SRBD1: variants seen among roughly 807,000 people sequenced by gnomAD.
The protein encoded by SRBD1 is S1 RNA-binding domain-containing protein 1.
A neutral mutation model predicts 115.3 loss-of-function variants in SRBD1; 88 were observed. The observed-to-expected ratio is 0.76, with a 90% CI of 0.64 to 0.91. The LOEUF (loss-of-function observed/expected upper bound fraction) is 0.91. SRBD1 is among the 40% of genes least tolerant of loss of function. The pLI is 0.00. For missense variants in SRBD1, 1,385 were observed against 1,177.4 expected (o/e 1.18, Z -2.58); for synonymous variants, 509 against 407.7 (o/e 1.25, Z -2.99).
In SRBD1 at chr2:45,573,249, G is replaced by C; in HGVS notation, c.1263C>G (p.Tyr421Ter). 1 of 1,611,208 alleles carries C rather than the reference G, an allele frequency of 6.2e-7. No homozygotes were observed. The highest frequency in any genetic ancestry group is 8.5e-7 in the Non-Finnish European group (1 of 1,178,900). Residue 421 changes from tyrosine (Y) to a stop codon, truncating the protein, a stop_gained, in exon 9 of 21, where the codon TAC (tyrosine) becomes TAG (stop). Coordinates refer to ENST00000263736, the MANE Select transcript of SRBD1 (RefSeq NM_018079.5). LOFTEE classifies it high-confidence loss of function. The stretch of plus-strand genomic sequence containing the variant: ...TTCTTATGTTGCAGGAAAAATGCTG[G>C]TAGAGCAGAAACTTATCAACATCTT... ...NEKDVDKFLL[Y>*]QHFSCNIRNI... is the part of the protein sequence containing the mutation.
intron 14 of SRBD1, among the ~76,000 whole-genome samples, chr2:45,511,046 A>C (rs1201514794): frequency 6.6e-6 from 1 of 152,246 alleles, no homozygotes; most frequent in Non-Finnish European, 1.5e-5. Context: ...CCAACAAACC[A>C]AAGTCAAACG....
chr2:45,401,728 A>G (rs1186371836), intron 19 of SRBD1, among the ~76,000 whole-genome samples: 1 of 152,208 alleles, frequency 6.6e-6, no homozygotes, highest in Non-Finnish European at 1.5e-5. Flanking sequence ...TGTTAGACAT[A>G]TTCAGTAGGC....
In SRBD1 at chr2:45,464,688, C is replaced by T. The variant is rs560092348; in HGVS notation, c.2049+12305G>A. Among the ~76,000 whole-genome samples the T allele has an allele frequency of 2.6e-5, 4 of 152,262 alleles. No homozygotes were observed. The East Asian group carries it at 5.8e-4, about 22-fold the overall frequency. On this transcript the variant is annotated intron_variant, in intron 16 of 20. Transcript: ENST00000263736. ...ATTCACTATCAACTAAACCCAAGGG[C>T]TTGAAATTCACACAGGTATAAAACA...
intron 7 of SRBD1, among the ~76,000 whole-genome samples, chr2:45,579,345 G>A (rs971249475): frequency 4.6e-5 from 7 of 152,114 alleles, no homozygotes; most frequent in Non-Finnish European, 1.0e-4. Context: ...CTTCCTGGAT[G>A]TCAAAACTCT....
At chr2:45,507,187 G>A (rs1223818729) in intron 14 of SRBD1, among the ~76,000 whole-genome samples, 4 of 152,124 alleles carry the variant, frequency 2.6e-5, no homozygotes, top group African/African-American at 9.7e-5. Context: ...GACTTGGTAT[G>A]TATCTCAACT....
chr2:45,555,740 T>C (rs1049225642), intron 10 of SRBD1, among the ~76,000 whole-genome samples: 2 of 152,054 alleles, frequency 1.3e-5, no homozygotes, highest in Non-Finnish European at 2.9e-5. Context: ...GATCTGCCCA[T>C]GTCAGCCTCC....
intron 16 of SRBD1, among the ~76,000 whole-genome samples, chr2:45,446,705 A>C (rs1668834264): frequency 6.6e-6 from 1 of 151,942 alleles, no homozygotes; most frequent in Non-Finnish European, 1.5e-5. Context: ...ATGGAAAAAA[A>C]AAAACCCCAC....
chr2:45,474,863 T>C (rs528395849), intron 16 of SRBD1, among the ~76,000 whole-genome samples: 1 of 152,334 alleles, frequency 6.6e-6, no homozygotes, highest in East Asian at 1.9e-4. Context: ...TGTATTTATA[T>C]AGGTACACAT....
At chr2:45,599,350 T>G (rs1674012728) in intron 4 of SRBD1, 99 bp downstream of exon 4, 2 of 1,479,678 alleles carry the variant, frequency 1.4e-6, no homozygotes, top group Admixed American at 2.3e-5. Flanking sequence ...AAGAGAGAAT[T>G]GAAAACCCCC....
intron 16 of SRBD1, among the ~76,000 whole-genome samples, chr2:45,439,759 T>C (rs1668604013): frequency 6.6e-6 from 1 of 151,526 alleles, no homozygotes; most frequent in Non-Finnish European, 1.5e-5. Context: ...TCACTTAAAA[T>C]CTTTGCATTT....
chr2:45,538,977 T>C (rs377742402), intron 14 of SRBD1, among the ~76,000 whole-genome samples: 3 of 152,104 alleles, frequency 2.0e-5, no homozygotes, highest in African/African-American at 2.4e-5. Context: ...TCCACAGGCA[T>C]AGATATCCTG....
chr2:45,431,880 C>A (rs1476133106), intron 16 of SRBD1, among the ~76,000 whole-genome samples: 3 of 152,164 alleles, frequency 2.0e-5, no homozygotes, highest in Non-Finnish European at 4.4e-5. Context: ...TTTAAAAACT[C>A]TTCTAGCAGC....
chr2:45,569,848 G>T (rs773039384), intron 9 of SRBD1, among the ~76,000 whole-genome samples: 6 of 152,188 alleles, frequency 3.9e-5, no homozygotes, highest in Non-Finnish European at 8.8e-5. Context: ...CTTAAGTAAA[G>T]AAAATGCAAA....
Position 45,562,021 on chromosome 2 carries a change from G to A in SRBD1, c.1409+632C>T, listed in dbSNP as rs116035360. On this transcript the variant is annotated intron_variant, in intron 10 of 20. Coordinates refer to ENST00000263736, the MANE Select transcript of SRBD1 (RefSeq NM_018079.5). ...GTTAGTTTATTTTTGCAAGGGAAAA[G>A]ATGATCTTACAAAAGTTTCAAATAG... is the stretch of plus-strand genomic sequence containing the variant. 3.6e-3 allele frequency among the ~76,000 whole-genome samples: 555 copies of A among 152,232 alleles called. 10 individuals carry two copies. The highest frequency in any genetic ancestry group is 0.013 in the African/African-American group (528 of 41,558).
intron 6 of SRBD1, among the ~76,000 whole-genome samples, chr2:45,581,011 C>A (rs1673345398): frequency 6.6e-6 from 1 of 152,070 alleles, no homozygotes; most frequent in Admixed American, 6.6e-5. Context: ...TCCACTCACT[C>A]TCCAACCCAC....
At chr2:45,523,236 A>G (rs574386207) in intron 14 of SRBD1, among the ~76,000 whole-genome samples, 1 of 151,334 alleles carries the variant, frequency 6.6e-6, no homozygotes, top group Non-Finnish European at 1.5e-5. Flanking sequence ...AAGAAGAAAC[A>G]TCTTAAATCA....
At chr2:45,463,662 C>A (rs1280036533) in intron 16 of SRBD1, among the ~76,000 whole-genome samples, 1 of 152,142 alleles carries the variant, frequency 6.6e-6, no homozygotes, top group Non-Finnish European at 1.5e-5. Context: ...TTAAACATTA[C>A]ATCCAAGATT....
intron 7 of SRBD1, among the ~76,000 whole-genome samples, chr2:45,576,763 TA>T (rs1673191505): frequency 6.6e-6 from 1 of 152,210 alleles, no homozygotes; most frequent in South Asian, 2.1e-4. Flanking sequence ...ACATGAAGTT[TA>T]ATGACAACAA....
chr2:45,526,631 TTAAACAAAATAAATGAATAAAGAC>T (rs1671451165), intron 14 of SRBD1, among the ~76,000 whole-genome samples: 1 of 151,750 alleles, frequency 6.6e-6, no homozygotes, highest in African/African-American at 2.4e-5. Context: ...AGTAAAACTG[TTAAACAAAATAAATGAATAAAGAC>T]TTCCAAAAAC....
Sources: gnomAD v4.1 joint callset for allele counts (sites outside exome capture counted in the v4.1 genomes callset) on GRCh38, gnomAD v4.1.1 for gene constraint, MANE v1.5 for transcripts, NCBI Gene and HGNC (gene_info 2026-07-23, HGNC 2026-07-21) for gene names.